Variants in PI4KA observed in about 807,000 individuals in gnomAD.
PI4KA encodes the protein phosphatidylinositol 4-kinase alpha, also known as PI4-kinase alpha.
Under a neutral mutation model 271.4 loss-of-function variants are expected in PI4KA, and 122 were observed. That is an observed-to-expected ratio of 0.45 (90% CI 0.39 to 0.52). The LOEUF (loss-of-function observed/expected upper bound fraction) is 0.52, where lower values mean the gene tolerates loss of function less well. Ranked by LOEUF, PI4KA falls within the 20% of genes least tolerant of loss-of-function variation. The probability of loss-of-function intolerance (pLI) is 0.00; values close to 1 mark genes in which losing one functional copy is unlikely to be tolerated. For missense variants in PI4KA, 1,969 were observed against 2,769.1 expected, an observed-to-expected ratio of 0.71 and a Z score of 6.48; for synonymous variants, 1,041 against 1,078.8, an observed-to-expected ratio of 0.96 and a Z score of 0.69.
intron 41 of PI4KA, among the ~76,000 whole-genome samples, 187 bp downstream of exon 41, chr22:20,727,042 TG>T (rs1420242511): frequency 8.5e-5 from 13 of 152,058 alleles, no homozygotes; most frequent in Admixed American, 3.9e-4. Context: ...AAAAAACAAA[TG>T]TAACTAGAGA....
chr22:20,747,439 CACT>C, intron 29 of PI4KA, 141 bp downstream of exon 29: 2 of 751,284 alleles, frequency 2.7e-6, no homozygotes, highest in South Asian at 4.8e-5. Context: ...CGGCTTGCAC[CACT>C]ACCATTGTCA....
intron 5 of PI4KA, among the ~76,000 whole-genome samples, chr22:20,820,159 C>G (rs1922450978): frequency 6.6e-6 from 1 of 152,162 alleles, no homozygotes; most frequent in Non-Finnish European, 1.5e-5. Context: ...CATGGCACAC[C>G]CAAATCAATA....
intron 1 of PI4KA, among the ~76,000 whole-genome samples, chr22:20,845,190 G>T (rs1400285866): frequency 1.3e-5 from 2 of 152,136 alleles, no homozygotes; most frequent in Non-Finnish European, 2.9e-5. Context: ...TAAAAGACAG[G>T]TATCTCAAAG....
chr22:20,792,487 G>A (rs1338395725), intron 19 of PI4KA, among the ~76,000 whole-genome samples: 2 of 152,232 alleles, frequency 1.3e-5, no homozygotes, highest in Non-Finnish European at 2.9e-5. Context: ...GAGGAGGGAA[G>A]GCACTGTAAG....
At chr22:20,836,187 T>C (rs781695502) in intron 2 of PI4KA, among the ~76,000 whole-genome samples, 9 of 152,138 alleles carry the variant, frequency 5.9e-5, no homozygotes, top group Non-Finnish European at 8.8e-5. Context: ...ATAAGACCCA[T>C]GAATGAGACT....
intron 42 of PI4KA, among the ~76,000 whole-genome samples, chr22:20,723,539 T>C (rs1353620181): frequency 7.4e-6 from 1 of 135,656 alleles, no homozygotes; most frequent in African/African-American, 2.8e-5. Flanking sequence ...GTCTATTAAA[T>C]ACAAAAATAG....
chr22:20,818,416 G>A (rs901744382), intron 7 of PI4KA, 67 bp downstream of exon 7: 58 of 1,218,046 alleles, frequency 4.8e-5, no homozygotes, highest in Non-Finnish European at 5.8e-5. Flanking sequence ...TTAATATCAC[G>A]AGAAGTCACT....
At chr22:20,833,012 T>C (rs1924390444) in intron 3 of PI4KA, among the ~76,000 whole-genome samples, 1 of 152,162 alleles carries the variant, frequency 6.6e-6, no homozygotes, top group South Asian at 2.1e-4. Context: ...CTTATCTTCA[T>C]TGGCTAATGT....
intron 3 of PI4KA, among the ~76,000 whole-genome samples, chr22:20,832,310 T>C (rs1004122439): frequency 2.0e-5 from 3 of 151,604 alleles, no homozygotes; most frequent in African/African-American, 7.3e-5. Flanking sequence ...AAAGATGGGG[T>C]TTCATCACCT....
chr22:20,734,760 G>A (rs1183731283), intron 32 of PI4KA: 17 of 803,810 alleles, frequency 2.1e-5, no homozygotes, highest in Admixed American at 2.0e-4. Flanking sequence ...CCAGCCTCTC[G>A]AGGCTGCCTT....
chr22:20,780,129 C>T (rs1437961176), intron 19 of PI4KA: 2 of 1,614,142 alleles, frequency 1.2e-6, no homozygotes, highest in Non-Finnish European at 1.7e-6. Flanking sequence ...CACCAAGGGC[C>T]TCATAAAAGA....
In PI4KA at chr22:20,718,717, A is replaced by G; in HGVS notation, c.5222T>C (p.Ile1741Thr). The change falls in exon 44 of 55, where the codon ATC (isoleucine) becomes ACC (threonine). Residue 1741 changes from isoleucine to threonine, a missense_variant. Ile to Thr is a moderately conservative substitution (Grantham distance 89). Around this residue, in one of 13 missense-constraint regions of PI4KA, gnomAD observed 388 missense variants for 521.5 expected, o/e 0.74. Coordinates refer to ENST00000255882, the MANE Select transcript of PI4KA (RefSeq NM_058004.4). ...YQREFDFFNKITNVSAIIKPY... is the reference protein window; with the variant it reads ...YQREFDFFNKTTNVSAIIKPY... ...CTTGATGATAGCCGACACGTTGGTG[A>G]TCTTGTTAAAGAAATCAAACTCCCG... 1 of 1,613,772 alleles carries G rather than the reference A, an allele frequency of 6.2e-7. No homozygotes were observed. The highest frequency in any genetic ancestry group is 8.5e-7 in the Non-Finnish European group (1 of 1,179,894).
rs755134573 is a variant in PI4KA at position 20,742,335 on chromosome 22, G to A, written c.3634C>T (p.His1212Tyr). The change falls in exon 32 of 55, where the codon CAT becomes TAT. Residue 1212 changes from histidine (H) to tyrosine (Y), a missense_variant. This residue lies in a region of PI4KA where 203 missense variants were observed against 256.8 expected (regional missense o/e 0.79). Transcript: ENST00000255882. ...CGGAGGGGACCCCAGCACAGATGAT[G>A]AAGGAGCTGCGGGTCACAATCTGGA... ...SSKDCDPQLL[H>Y]HLCWGPLRMF... is the part of the protein sequence containing the mutation. The A allele has an allele frequency of 6.2e-7, 1 of 1,614,178 alleles. No individual in the cohort carries two copies. Among genetic ancestry groups the A allele is most frequent in the Non-Finnish European group, 8.5e-7 (1 of 1,180,000 alleles).
chr22:20,729,502 GTGGCC>G lies in PI4KA; in HGVS notation c.4489-1_4492del. ...CCATGTGATGAGACGCTCGATCTCA[GTGGCC>G]TGGCAAGATAAGACATAAGGCCTGA... On this transcript the variant is annotated splice_acceptor_variant and coding_sequence_variant, in exon 39 of 55. Transcript: ENST00000255882. LOFTEE classifies it high-confidence loss of function. 6.3e-7 allele frequency: 1 copy of G among 1,590,242 alleles called. No homozygotes were observed. The highest frequency in any genetic ancestry group is 8.6e-7 in the Non-Finnish European group (1 of 1,167,262).
chr22:20,838,353 G>A (rs1175552816), intron 2 of PI4KA, among the ~76,000 whole-genome samples: 3 of 151,964 alleles, frequency 2.0e-5, no homozygotes, highest in Non-Finnish European at 4.4e-5. Flanking sequence ...TTACTCTGTG[G>A]CACATAATAA....
chr22:20,737,035 T>C (rs1219893931), intron 32 of PI4KA, among the ~76,000 whole-genome samples: 1 of 152,202 alleles, frequency 6.6e-6, no homozygotes, highest in African/African-American at 2.4e-5. Context: ...GGAGCTGTGG[T>C]TGGACCCATT....
chr22:20,737,032 T>A (rs1928814402), intron 32 of PI4KA, among the ~76,000 whole-genome samples: 1 of 152,198 alleles, frequency 6.6e-6, no homozygotes, highest in Non-Finnish European at 1.5e-5. Flanking sequence ...TCTGGAGCTG[T>A]GGTTGGACCC....
intron 7 of PI4KA, among the ~76,000 whole-genome samples, chr22:20,814,372 G>A (rs182139962): frequency 2.0e-5 from 3 of 152,238 alleles, no homozygotes; most frequent in Non-Finnish European, 2.9e-5. Context: ...TCAGTTTCAC[G>A]AGATGAAAAG....
At position 20,712,781 on chromosome 22, in the gene PI4KA, T is replaced by C. The variant is rs1316849294; in HGVS notation, c.5588A>G (p.Gln1863Arg). ...GATGTTCTTGAAGAGGTCGATGATCTGCAGGGCCAGCATGTCCTGGGAAGC... is the reference window on the plus strand; with the variant it reads ...GATGTTCTTGAAGAGGTCGATGATCCGCAGGGCCAGCATGTCCTGGGAAGC... Reference protein sequence around the residue: ...DDCRQDMLALQIIDLFKNIFQ... With the variant: ...DDCRQDMLALRIIDLFKNIFQ... The change falls in exon 49 of 55, where the codon CAG (glutamine) becomes CGG (arginine). Residue 1863 changes from glutamine (Q) to arginine (R), a missense_variant. Gln to Arg is a conservative substitution (Grantham distance 43). This residue lies in a region of PI4KA where 110 missense variants were observed against 349.8 expected (regional missense o/e 0.31). Transcript: ENST00000255882. 6.5e-7 allele frequency: 1 copy of C among 1,550,098 alleles called. No individual in the cohort carries two copies. The highest frequency in any genetic ancestry group is 8.7e-7 in the Non-Finnish European group (1 of 1,147,106).
Sources: gnomAD v4.1 joint callset for allele counts (sites outside exome capture counted in the v4.1 genomes callset) on GRCh38, gnomAD v4.1.1 for gene constraint, gnomAD v4.1.1 regional missense constraint, MANE v1.5 for transcripts, NCBI Gene and HGNC (gene_info 2026-07-23, HGNC 2026-07-21) for gene names.